USP49: variants seen among roughly 807,000 people sequenced by gnomAD.
USP49 encodes the protein ubiquitin specific peptidase 49.
A neutral mutation model predicts 58.6 loss-of-function variants in USP49; 24 were observed. That is an observed-to-expected ratio of 0.41 (90% CI 0.30 to 0.58). USP49 has a LOEUF of 0.58. Among genes scored for constraint, USP49 ranks in the 20% least tolerant of loss-of-function variants. The probability of loss-of-function intolerance (pLI) is 0.30; values close to 1 mark genes in which losing one functional copy is unlikely to be tolerated. For missense variants in USP49, 703 were observed against 866.1 expected (o/e 0.81, Z 2.36); for synonymous variants, 408 against 365.1 (o/e 1.12, Z -1.34).
Position 41,806,466 on chromosome 6 carries a change from C to A in USP49, c.518G>T (p.Arg173Leu). 6.3e-7 allele frequency: 1 copy of A among 1,595,390 alleles called. No individual in the cohort carries two copies. ...CTTGCGCTCCAGGGCCTCCTCCTGC[C>A]GCCGCTGCTCCAGCTTCGCCTGGCC... is the stretch of plus-strand genomic sequence containing the variant. ...SRGQAKLEQR[R>L]QEEALERKKE... Residue 173 changes from arginine to leucine, a missense_variant, in exon 4 of 8, where the codon CGG becomes CTG. This residue lies in a region of USP49 where 376 missense variants were observed against 373.5 expected (regional missense o/e 1.01). Transcript: ENST00000682992. The surrounding 1 kb of genome is among the most constrained non-coding windows in gnomAD (Gnocchi z 5.9).
At chr6:41,889,174 C>T (rs1774769422) in intron 2 of USP49, among the ~76,000 whole-genome samples, 1 of 151,760 alleles carries the variant, frequency 6.6e-6, no homozygotes, top group African/African-American at 2.4e-5. Context: ...CTGGGATTAC[C>T]GGCACGTGCC....
intron 2 of USP49, among the ~76,000 whole-genome samples, chr6:41,884,806 G>A (rs1212297685): frequency 2.0e-5 from 3 of 152,046 alleles, no homozygotes; most frequent in Middle Eastern, 6.8e-3. Context: ...AAGTGGAAGG[G>A]AAAAATAATT....
chr6:41,885,522 T>C (rs1393847153), intron 2 of USP49, among the ~76,000 whole-genome samples: 11 of 152,088 alleles, frequency 7.2e-5, no homozygotes, highest in African/African-American at 2.7e-4. Flanking sequence ...CGCACAATCA[T>C]ACCTCACTGT....
chr6:41,839,352 G>A (rs1773780165), intron 3 of USP49, among the ~76,000 whole-genome samples: 1 of 124,856 alleles, frequency 8.0e-6, no homozygotes, highest in African/African-American at 3.0e-5. Context: ...GTTGCAATGA[G>A]CAAGATTGTG....
chr6:41,818,983 T>A (rs1773407581), intron 3 of USP49, among the ~76,000 whole-genome samples: 1 of 151,900 alleles, frequency 6.6e-6, no homozygotes, highest in African/African-American at 2.4e-5. Context: ...ACATTAGTAT[T>A]AAGAGTCTCC....
chr6:41,806,234 T>C lies in USP49; in HGVS notation c.750A>G (p.Pro250=). The change falls in exon 4 of 8, where the codon CCA becomes CCG. Residue 250 remains proline, a synonymous_variant. Coordinates refer to ENST00000682992, the MANE Select transcript of USP49 (RefSeq NM_001286554.2). This position sits in a 1 kb window ranked among gnomAD's most constrained non-coding sequence, Gnocchi z 5.9. ...CCAGGTTGCGCAGGCCCGTGACGCCTGGGGCCATGGCCGGCTGGCGACGCA... is the reference window on the plus strand; with the variant it reads ...CCAGGTTGCGCAGGCCCGTGACGCCCGGGGCCATGGCCGGCTGGCGACGCA... ...LKLRRQPAMA[P]GVTGLRNLGN... is the part of the protein sequence containing the mutation. 2 of 1,610,666 alleles carry C rather than the reference T, an allele frequency of 1.2e-6. No homozygotes were observed. Among genetic ancestry groups the C allele is most frequent in the Non-Finnish European group, 1.7e-6 (2 of 1,179,964 alleles).
chr6:41,800,773 A>G (rs1561901995), intron 5 of USP49, among the ~76,000 whole-genome samples: 1 of 152,250 alleles, frequency 6.6e-6, no homozygotes. Context: ...ACTAAATGAT[A>G]GAGTATTTAA....
chr6:41,824,946 C>T (rs535712972), intron 3 of USP49, among the ~76,000 whole-genome samples: 26 of 152,222 alleles, frequency 1.7e-4, no homozygotes, highest in African/African-American at 6.0e-4. Context: ...ATCTCTTGTA[C>T]AAGAATAAAG....
chr6:41,872,361 T>C (rs1221761368), intron 2 of USP49, among the ~76,000 whole-genome samples: 2 of 152,094 alleles, frequency 1.3e-5, no homozygotes, highest in Admixed American at 1.3e-4. Context: ...GAAAATATGT[T>C]CCCGGCCGGG....
At chr6:41,843,191 A>G (rs1773857914) in intron 3 of USP49, among the ~76,000 whole-genome samples, 1 of 152,210 alleles carries the variant, frequency 6.6e-6, no homozygotes, top group Non-Finnish European at 1.5e-5. Context: ...GTGTCTTCTT[A>G]TCCTACCATG....
chr6:41,803,969 C>T lies in USP49; in HGVS notation c.1398G>A (p.Glu466=), dbSNP rs1188023436. ...ATTCCAGGGATAGGTCCCAAAAGGG[C>T]TCAATGGTATTGGATTTGTAATTGC... is the stretch of plus-strand genomic sequence containing the variant. The part of the protein sequence containing the change: ...ISCNYKSNTI[E]PFWDLSLEFP... Residue 466 remains glutamate, a synonymous_variant, in exon 5 of 8, where the codon GAG becomes GAA. Transcript: ENST00000682992. This position sits in a 1 kb window ranked among gnomAD's most constrained non-coding sequence, Gnocchi z 4.1. 1.9e-6 allele frequency: 3 copies of T among 1,614,026 alleles called. No homozygotes were observed. Among genetic ancestry groups the T allele is most frequent in the East Asian group, 2.2e-5 (1 of 44,888 alleles).
rs542298816 is a variant in USP49 at position 41,792,497 on chromosome 6, G to A, written c.*4036C>T. 4.7e-5 allele frequency: 7 copies of A among 149,268 alleles called. No individual in the cohort carries two copies. The South Asian group carries it at 1.5e-3, about 32-fold the overall frequency. The allele number at this position is 149,268 out of a possible 1,614,324, so 9.2% of individuals were successfully genotyped here. A position where few individuals can be genotyped will look rare whatever the true frequency, so the allele number is the denominator to read the frequency against. ...CACTCACAAGAGGTAACCTCAGATA[G>A]GGATATAGTATTCATTTAAGAAGGG... On this transcript the variant is annotated 3_prime_UTR_variant, in exon 8 of 8. Coordinates refer to ENST00000682992, the MANE Select transcript of USP49 (RefSeq NM_001286554.2).
rs1272570842 is a variant in USP49, at chr6:41,793,599, C to T, written c.*2934G>A. ...GTGTAGCACTGCCCCCCAACCCTGC[C>T]CCATAACTCCGAGACTGAGGGGCTG... On this transcript the variant is annotated 3_prime_UTR_variant, in exon 8 of 8. Transcript: ENST00000682992. The T allele has an allele frequency of 6.6e-6, 1 of 152,318 alleles. No homozygotes were observed. Among genetic ancestry groups the T allele is most frequent in the Non-Finnish European group, 1.5e-5 (1 of 68,184 alleles). The allele number at this position is 152,318 out of a possible 1,614,324, so 9.4% of individuals were successfully genotyped here.
At position 41,794,816 on chromosome 6, in the gene USP49, T is replaced by G. The variant is rs1386789169; in HGVS notation, c.*1717A>C. On this transcript the variant is annotated 3_prime_UTR_variant, in exon 8 of 8. Transcript: ENST00000682992. ...TAAATATTACAGAAACCTCACAGTG[T>G]TGGAAAAAGCAAGTTTAATTTAAAA... The G allele has an allele frequency of 6.6e-6, 1 of 152,220 alleles. No individual in the cohort carries two copies. Among genetic ancestry groups the G allele is most frequent in the Non-Finnish European group, 1.5e-5 (1 of 68,040 alleles). The allele number at this position is 152,220 out of a possible 1,614,324, so 9.4% of individuals were successfully genotyped here. A position where few individuals can be genotyped will look rare whatever the true frequency, so the allele number is the denominator to read the frequency against.
At position 41,829,416 on chromosome 6, in the gene USP49, C is replaced by T. The variant is rs141862377; in HGVS notation, c.-28-22405G>A. ...TGCAACCTCGCCTCCCGGGTTCAAG[C>T]GATTCTCCTGCTTCAGCCTCCCAAG... On this transcript the variant is annotated intron_variant, in intron 3 of 7. Coordinates refer to ENST00000682992, the MANE Select transcript of USP49 (RefSeq NM_001286554.2). 6.2e-3 allele frequency among the ~76,000 whole-genome samples: 941 copies of T among 151,972 alleles called. 8 individuals are homozygous for T. Among genetic ancestry groups the T allele is most frequent in the African/African-American group, 0.02 (820 of 41,436 alleles).
rs1299957208 is a variant in USP49 at position 41,793,813 on chromosome 6, C to T, written c.*2720G>A. On this transcript the variant is annotated 3_prime_UTR_variant, in exon 8 of 8. Coordinates refer to ENST00000682992, the MANE Select transcript of USP49 (RefSeq NM_001286554.2). Reference sequence around the variant, plus strand: ...TAGGTGCACTCATCTTGGCTGGCTACAGCAGCAAGTAAACATGCCAGCCAA... The same window carrying T: ...TAGGTGCACTCATCTTGGCTGGCTATAGCAGCAAGTAAACATGCCAGCCAA... The T allele has an allele frequency of 6.6e-6, 1 of 152,216 alleles. No individual in the cohort carries two copies. The highest frequency in any genetic ancestry group is 6.5e-5 in the Admixed American group (1 of 15,278). 9.4% of individuals were successfully genotyped at this position (152,216 alleles called of 1,614,324 possible).
chr6:41,865,851 C>T (rs1159645712), intron 3 of USP49, among the ~76,000 whole-genome samples: 1 of 148,072 alleles, frequency 6.8e-6, no homozygotes, highest in African/African-American at 2.5e-5. Context: ...ACTATGTTGC[C>T]CAGGCTGGTC....
intron 3 of USP49, among the ~76,000 whole-genome samples, chr6:41,819,360 C>T (rs1773414513): frequency 6.6e-6 from 1 of 152,094 alleles, no homozygotes; most frequent in African/African-American, 2.4e-5. Flanking sequence ...CTGAGAGAAT[C>T]AGGATTTACC....
intron 1 of USP49, chr6:41,893,928 C>G (rs1213001939): frequency 6.6e-6 from 1 of 151,992 alleles, no homozygotes; most frequent in Non-Finnish European, 1.5e-5. Flanking sequence ...TCCCCTTTCA[C>G]TCACCATGGT....
Sources: allele counts gnomAD v4.1 joint callset (sites outside exome capture counted in the v4.1 genomes callset), GRCh38; gene constraint gnomAD v4.1.1; regional missense constraint gnomAD v4.1.1; non-coding constraint Gnocchi (gnomAD v3.1); transcripts MANE v1.5; gene names NCBI Gene and HGNC (gene_info 2026-07-23, HGNC 2026-07-21).